The following CASP10 variants were observed in gnomAD, a reference collection of about 807,000 sequenced individuals.
CASP10 encodes caspase-10.
Under a neutral mutation model 48.5 loss-of-function variants are expected in CASP10, and 41 were observed. That is an observed-to-expected ratio of 0.85 (90% CI 0.66 to 1.10). The LOEUF is 1.10. Ranked by LOEUF, CASP10 falls within the 50% of genes least tolerant of loss-of-function variation. The probability of loss-of-function intolerance (pLI) is 0.00; values close to 1 mark genes in which losing one functional copy is unlikely to be tolerated. For synonymous variants in CASP10, 232 were observed against 238.4 expected (o/e 0.97, Z 0.25); for missense variants, 614 against 614.5 (o/e 1.00, Z 0.01).
intron 7 of CASP10, among the ~76,000 whole-genome samples, chr2:201,206,626 A>G (rs1397948568): frequency 6.7e-6 from 1 of 149,114 alleles, no homozygotes; most frequent in Non-Finnish European, 1.5e-5. Context: ...ACACTCATAT[A>G]TATATTCACA....
chr2:201,195,973 AT>A (rs1559299602), intron 5 of CASP10, 25 bp downstream of exon 5: 1 of 1,509,716 alleles, frequency 6.6e-7, no homozygotes, highest in South Asian at 1.1e-5. Context: ...GTGCTGGTCA[AT>A]GCTTAACAAC....
At chr2:201,186,412 T>A in intron 2 of CASP10, 1 of 420,900 alleles carries the variant, frequency 2.4e-6, no homozygotes, top group Admixed American at 3.7e-5. Flanking sequence ...GTGTTTTCCC[T>A]GCTTACCAGC....
In CASP10 at chr2:201,219,277, A is replaced by T. The variant is rs578241007; in HGVS notation, c.*1536A>T. 1 of 293,270 alleles carries T rather than the reference A, an allele frequency of 3.4e-6. No individual in the cohort carries two copies. Among genetic ancestry groups the T allele is most frequent in the South Asian group, 1.3e-4 (1 of 7,542 alleles). The allele number at this position is 293,270 out of a possible 1,614,324, so 18.2% of individuals were successfully genotyped here. On this transcript the variant is annotated 3_prime_UTR_variant, in exon 10 of 10. Coordinates refer to ENST00000286186, the MANE Select transcript of CASP10 (RefSeq NM_032977.4). ...AGGGCGAGACCTTGTTTAAAAAAAA[A>T]ATTCAATATTGGGGTTGGAACATTT... is the stretch of plus-strand genomic sequence containing the variant.
intron 1 of CASP10, among the ~76,000 whole-genome samples, chr2:201,185,248 G>T (rs1056888659): frequency 6.6e-6 from 1 of 152,150 alleles, no homozygotes; most frequent in African/African-American, 2.4e-5. Context: ...TAAGATAAAG[G>T]CCTGCCCTCT....
At chr2:201,201,765 C>T (rs1432610511) in intron 5 of CASP10, among the ~76,000 whole-genome samples, 1 of 152,090 alleles carries the variant, frequency 6.6e-6, no homozygotes, top group Non-Finnish European at 1.5e-5. Context: ...TAAAATAAAA[C>T]TTGGTGAAAC....
At chr2:201,191,663 G>A (rs1001816790) in intron 3 of CASP10, among the ~76,000 whole-genome samples, 3 of 152,160 alleles carry the variant, frequency 2.0e-5, no homozygotes, top group East Asian at 1.9e-4. Context: ...CAGCCAAAAC[G>A]GAAAGGTTCT....
chr2:201,205,764 T>A (rs896425292), intron 6 of CASP10, 118 bp from the exon 7 acceptor site: 5 of 718,822 alleles, frequency 7.0e-6, no homozygotes, highest in Non-Finnish European at 1.3e-5. Flanking sequence ...GTGGCTGAAT[T>A]TGTCTCAGGA....
exon 10 of CASP10, chr2:201,229,260 GTCATCTTTC>G: frequency 1.5e-6 from 1 of 682,546 alleles, no homozygotes; most frequent in East Asian, 2.6e-5. Context: ...GTGTACCTGT[GTCATCTTTC>G]TTGTTTCATC....
At chr2:201,227,876 CAAAT>C (rs1456369490) in intron 9 of CASP10, among the ~76,000 whole-genome samples, 2 of 151,814 alleles carry the variant, frequency 1.3e-5, no homozygotes, top group South Asian at 2.1e-4. Context: ...CGGTTTCTAA[CAAAT>C]AAGTGTTAAG....
chr2:201,187,771 T>C lies in CASP10; in HGVS notation c.413T>C (p.Leu138Pro), dbSNP rs1340599595. ...AACTTAAAGGACATGATCTTCCTTC[T>C]GAAAGACTCGCTTCCCAAAACTGAA... ...SENLKDMIFL[L>P]KDSLPKTEMT... Residue 138 changes from leucine to proline, a missense_variant, in exon 3 of 10, where the codon CTG (leucine) becomes CCG (proline). Transcript: ENST00000286186. The C allele has an allele frequency of 6.2e-7, 1 of 1,614,108 alleles. No homozygotes were observed. The highest frequency in any genetic ancestry group is 2.2e-5 in the East Asian group (1 of 44,874).
At chr2:201,226,830 A>G (rs1035082955) in intron 9 of CASP10, among the ~76,000 whole-genome samples, 7 of 152,232 alleles carry the variant, frequency 4.6e-5, no homozygotes, top group East Asian at 1.9e-4. Flanking sequence ...GCTGAACCAT[A>G]TGAAATTGCC....
chr2:201,208,844 AT>A (rs923565869), intron 8 of CASP10, among the ~76,000 whole-genome samples: 6 of 151,852 alleles, frequency 4.0e-5, no homozygotes, highest in Non-Finnish European at 7.4e-5. Context: ...ACACCTGGCT[AT>A]TTTTTGTATT....
At chr2:201,212,384 G>A (rs1457704531) in intron 9 of CASP10, 1 of 152,278 alleles carries the variant, frequency 6.6e-6, no homozygotes, top group Non-Finnish European at 1.5e-5. Flanking sequence ...GCCTTCCAAG[G>A]CGGAAGGAAG....
chr2:201,196,790 ATCT>A (rs1944810320), intron 5 of CASP10, among the ~76,000 whole-genome samples: 1 of 152,180 alleles, frequency 6.6e-6, no homozygotes, highest in Non-Finnish European at 1.5e-5. Flanking sequence ...GAACTTTTTC[ATCT>A]TCTTTTAGTA....
chr2:201,205,460 GGCTCAA>G (rs1479616991), intron 6 of CASP10, among the ~76,000 whole-genome samples: 1 of 151,684 alleles, frequency 6.6e-6, no homozygotes, highest in African/African-American at 2.4e-5. Flanking sequence ...TGAACTCCTG[GGCTCAA>G]GCGATCAGCC....
At chr2:201,205,657 T>C (rs1945176689) in intron 6 of CASP10, among the ~76,000 whole-genome samples, 3 of 152,070 alleles carry the variant, frequency 2.0e-5, no homozygotes, top group Admixed American at 1.3e-4. Context: ...TCTTAATTAA[T>C]TCCCCACCCA....
At chr2:201,193,525 C>T (rs967867352) in intron 4 of CASP10, 14 of 230,182 alleles carry the variant, frequency 6.1e-5, no homozygotes, top group African/African-American at 3.2e-4. Flanking sequence ...GATGTTTACT[C>T]ATCATTCTGA....
At chr2:201,184,905 G>T (rs1405028258) in intron 1 of CASP10, among the ~76,000 whole-genome samples, 3 of 152,056 alleles carry the variant, frequency 2.0e-5, no homozygotes, top group Non-Finnish European at 4.4e-5. Flanking sequence ...CAGAGCAGCC[G>T]ACTCATGTAA....
At chr2:201,195,364 G>A (rs572085730) in intron 4 of CASP10, among the ~76,000 whole-genome samples, 14 of 152,252 alleles carry the variant, frequency 9.2e-5, no homozygotes, top group East Asian at 1.9e-4. Context: ...GAGCCACTGC[G>A]CCTGGTCCAG....
Sources: allele counts gnomAD v4.1 joint callset (sites outside exome capture counted in the v4.1 genomes callset), GRCh38; gene constraint gnomAD v4.1.1; transcripts MANE v1.5; gene names NCBI Gene and HGNC (gene_info 2026-07-23, HGNC 2026-07-21).